The following NCAM2 variants were observed in gnomAD, a reference collection of about 807,000 sequenced individuals.
NCAM2 encodes the protein N-CAM-2.
Under a neutral mutation model 98.1 loss-of-function variants are expected in NCAM2, and 30 were observed. That is an observed-to-expected ratio of 0.31 (90% CI 0.23 to 0.41). The LOEUF is 0.41. Among genes scored for constraint, NCAM2 ranks in the 10% least tolerant of loss-of-function variants. The pLI, the probability that NCAM2 is intolerant of heterozygous loss-of-function variation, is 1.00. For missense variants in NCAM2, 867 were observed against 1,005.8 expected (o/e 0.86, Z 1.87); for synonymous variants, 368 against 342.4 (o/e 1.07, Z -0.83).
rs538767217 is a variant in NCAM2 at position 21,042,665 on chromosome 21, C to A, written c.55+44047C>A. ...ACTAAAAAATGAGGTCTGAACTGCT[C>A]CCCTCAGGCCCTTCATTTCCCAGAG... is the stretch of plus-strand genomic sequence containing the variant. On this transcript the variant is annotated intron_variant, in intron 1 of 17. Coordinates refer to ENST00000400546, the MANE Select transcript of NCAM2 (RefSeq NM_004540.5). 7.9e-5 allele frequency among the ~76,000 whole-genome samples: 12 copies of A among 152,242 alleles called. No individual in the cohort carries two copies. The South Asian group carries it at 2.5e-3, about 32-fold the overall frequency.
intron 12 of NCAM2, among the ~76,000 whole-genome samples, chr21:21,434,877 A>T (rs1378029302): frequency 1.5e-4 from 23 of 152,252 alleles, no homozygotes; most frequent in Non-Finnish European, 5.9e-5. Context: ...GGTGAAAGAG[A>T]TCAAATACCT....
At chr21:21,128,103 C>T (rs907136050) in intron 1 of NCAM2, among the ~76,000 whole-genome samples, 1 of 151,958 alleles carries the variant, frequency 6.6e-6, no homozygotes, top group Non-Finnish European at 1.5e-5. Flanking sequence ...CATATTACAT[C>T]TGGGTGTGAA....
chr21:21,530,301 A>T (rs1372101395), intron 16 of NCAM2, among the ~76,000 whole-genome samples: 1 of 98,898 alleles, frequency 1.0e-5, no homozygotes, highest in Non-Finnish European at 2.0e-5. Flanking sequence ...TATATAATTA[A>T]ATTAAATTAT....
chr21:21,441,272 A>G (rs1979226626), intron 12 of NCAM2, among the ~76,000 whole-genome samples: 1 of 152,224 alleles, frequency 6.6e-6, no homozygotes, highest in Non-Finnish European at 1.5e-5. Context: ...ATACCTTTTA[A>G]GTGACATCCT....
intron 8 of NCAM2, among the ~76,000 whole-genome samples, chr21:21,346,547 A>G (rs913409553): frequency 6.6e-6 from 1 of 152,100 alleles, no homozygotes; most frequent in Non-Finnish European, 1.5e-5. Context: ...GTAGATGTTT[A>G]TAGAACATTT....
chr21:21,220,226 T>C (rs1009841887), intron 1 of NCAM2, among the ~76,000 whole-genome samples: 2 of 152,208 alleles, frequency 1.3e-5, no homozygotes, highest in African/African-American at 2.4e-5. Context: ...CACTCACCAC[T>C]CATTCATTCA....
rs535187532 is a variant in NCAM2, at chr21:21,470,776, A to G, written c.1896+1993A>G. 6.6e-5 allele frequency among the ~76,000 whole-genome samples: 10 copies of G among 151,318 alleles called. No individual in the cohort carries two copies. The South Asian group carries it at 1.9e-3, about 28-fold the overall frequency. The stretch of plus-strand genomic sequence containing the variant: ...TGATTGATTGTATTAATTCATACAT[A>G]ACTATAATTGTCTGATAATCAATCA... On this transcript the variant is annotated intron_variant, in intron 14 of 17. Coordinates refer to ENST00000400546, the MANE Select transcript of NCAM2 (RefSeq NM_004540.5).
At chr21:21,221,032 C>A (rs557916950) in intron 1 of NCAM2, among the ~76,000 whole-genome samples, 12 of 151,904 alleles carry the variant, frequency 7.9e-5, no homozygotes, top group Admixed American at 6.6e-5. Context: ...GTAATTCTTA[C>A]AATATTGCAA....
chr21:21,275,572 C>T (rs1358873764), intron 1 of NCAM2, among the ~76,000 whole-genome samples: 1 of 152,100 alleles, frequency 6.6e-6, no homozygotes, highest in African/African-American at 2.4e-5. Context: ...CTACCTTTCT[C>T]GTAGGTAAAC....
At chr21:21,420,710 A>T in intron 11 of NCAM2, among the ~76,000 whole-genome samples, 1 of 152,006 alleles carries the variant, frequency 6.6e-6, no homozygotes, top group East Asian at 1.9e-4. Flanking sequence ...AGAACCTGCT[A>T]TTCTCCAATT....
chr21:21,267,100 A>G (rs1031653935), intron 1 of NCAM2, among the ~76,000 whole-genome samples: 12 of 152,148 alleles, frequency 7.9e-5, no homozygotes, highest in African/African-American at 2.7e-4. Context: ...AGCAGTTGGG[A>G]AAAGAGTCAT....
At chr21:21,514,098 C>T (rs990097106) in intron 16 of NCAM2, among the ~76,000 whole-genome samples, 1 of 150,914 alleles carries the variant, frequency 6.6e-6, no homozygotes, top group African/African-American at 2.4e-5. Context: ...TATGTATATA[C>T]AATTTATTAT....
intron 1 of NCAM2, among the ~76,000 whole-genome samples, chr21:21,021,285 G>T (rs1032653093): frequency 1.3e-5 from 2 of 152,056 alleles, no homozygotes; most frequent in Non-Finnish European, 2.9e-5. Context: ...ATGGATTTGG[G>T]CTTTAAAACC....
In NCAM2 at chr21:21,139,837, A is replaced by C. The variant is rs2067130947; in HGVS notation, c.56-140741A>C. On this transcript the variant is annotated intron_variant, in intron 1 of 17. Transcript: ENST00000400546. ...CTTAATACCATTATTTATTAAACTC[A>C]ATTCCTTAATTATTAAAATTTACTC... Among the ~76,000 whole-genome samples, 3 of 152,162 alleles carry C rather than the reference A, an allele frequency of 2.0e-5. No individual in the cohort carries two copies. In the South Asian group the frequency reaches 6.2e-4, roughly 31 times the overall value.
At chr21:21,300,891 C>T (rs1025054900) in intron 5 of NCAM2, among the ~76,000 whole-genome samples, 2 of 151,750 alleles carry the variant, frequency 1.3e-5, no homozygotes, top group Non-Finnish European at 2.9e-5. Flanking sequence ...TTCCAGATAT[C>T]TTGCATGTAT....
Position 21,255,505 on chromosome 21 carries a change from T to A in NCAM2, c.56-25073T>A, listed in dbSNP as rs991737534. Among the ~76,000 whole-genome samples the A allele has an allele frequency of 2.0e-5, 3 of 152,362 alleles. No homozygotes were observed. The South Asian group carries it at 6.2e-4, about 32-fold the overall frequency. On this transcript the variant is annotated intron_variant, in intron 1 of 17. Coordinates refer to ENST00000400546, the MANE Select transcript of NCAM2 (RefSeq NM_004540.5). ...ATCCTTTAGCTGATAGTGTTTCTGCTTCTGTGATGGGAGCCTTTTGGAAGT... is the reference window on the plus strand; with the variant it reads ...ATCCTTTAGCTGATAGTGTTTCTGCATCTGTGATGGGAGCCTTTTGGAAGT...
intron 12 of NCAM2, among the ~76,000 whole-genome samples, chr21:21,435,210 A>G (rs2077442329): frequency 6.6e-6 from 1 of 152,206 alleles, no homozygotes; most frequent in Non-Finnish European, 1.5e-5. Context: ...CTTAGCTAAG[A>G]TGTAAGAAAC....
chr21:21,395,520 T>C (rs1490762858), intron 9 of NCAM2, among the ~76,000 whole-genome samples: 1 of 151,980 alleles, frequency 6.6e-6, no homozygotes, highest in Admixed American at 6.6e-5. Flanking sequence ...GAAAAAATAA[T>C]TCTAAAATTC....
intron 11 of NCAM2, among the ~76,000 whole-genome samples, chr21:21,430,516 C>A (rs1470459885): frequency 6.6e-6 from 1 of 151,352 alleles, no homozygotes; most frequent in Non-Finnish European, 1.5e-5. Flanking sequence ...AGGAAACTTA[C>A]AATTATGCTG....
Sources: gnomAD v4.1 joint callset for allele counts (sites outside exome capture counted in the v4.1 genomes callset) on GRCh38, gnomAD v4.1.1 for gene constraint, MANE v1.5 for transcripts, NCBI Gene and HGNC (gene_info 2026-07-23, HGNC 2026-07-21) for gene names.